UNC5C: variants seen among roughly 807,000 people sequenced by gnomAD.
UNC5C encodes unc-5 netrin receptor C.
UNC5C carries 47 observed loss-of-function variants against 99.8 expected under a neutral mutation model. That is an observed-to-expected ratio of 0.47 (90% CI 0.37 to 0.60). The LOEUF is 0.60. Ranked by LOEUF, UNC5C falls within the 20% of genes least tolerant of loss-of-function variation. The pLI, the probability that UNC5C is intolerant of heterozygous loss-of-function variation, is 0.00. For synonymous variants in UNC5C, 487 were observed against 452.2 expected (o/e 1.08, Z -0.98); for missense variants, 1,062 against 1,165.9 (o/e 0.91, Z 1.30).
rs879590978 is a variant in UNC5C at position 95,529,726 on chromosome 4, C to CA, written c.124+19007dup. Among the ~76,000 whole-genome samples the CA allele has an allele frequency of 3.1e-3, 454 of 144,872 alleles. 5 individuals are homozygous for CA. In the East Asian group the frequency reaches 0.046, roughly 15 times the overall value. On this transcript the variant is annotated intron_variant, in intron 1 of 15. Transcript: ENST00000453304. ...TGAGTAACAGAGCGAGACCCTGTCT[C>CA]AAAAAAAAAATGGTAATAATAAATT...
At chr4:95,487,403 A>T (rs1391152171) in intron 1 of UNC5C, among the ~76,000 whole-genome samples, 1 of 151,694 alleles carries the variant, frequency 6.6e-6, no homozygotes, top group African/African-American at 2.4e-5. Context: ...AAATATGCTC[A>T]TAAATTTCTA....
At chr4:95,235,639 C>CA (rs1739081678) in intron 7 of UNC5C, among the ~76,000 whole-genome samples, 1 of 152,152 alleles carries the variant, frequency 6.6e-6, no homozygotes, top group South Asian at 2.1e-4. Context: ...AGTCTTTAAT[C>CA]CATCTTGAAT....
At chr4:95,296,827 A>C (rs1741684029) in intron 3 of UNC5C, among the ~76,000 whole-genome samples, 1 of 152,192 alleles carries the variant, frequency 6.6e-6, no homozygotes. Flanking sequence ...GTTCTTTTTA[A>C]ACATGATTAA....
chr4:95,367,187 CTTTTTT>C (rs34534787), intron 1 of UNC5C, among the ~76,000 whole-genome samples: 2 of 139,028 alleles, frequency 1.4e-5, no homozygotes, highest in African/African-American at 2.7e-5. Context: ...TTCTCCCATT[CTTTTTT>C]TTTTTTTTTT....
chr4:95,411,076 A>G (rs1037658325), intron 1 of UNC5C, among the ~76,000 whole-genome samples: 7 of 152,208 alleles, frequency 4.6e-5, no homozygotes, highest in Non-Finnish European at 7.3e-5. Flanking sequence ...ATGATCCAAA[A>G]GAAATTATTT....
intron 1 of UNC5C, among the ~76,000 whole-genome samples, chr4:95,385,852 T>C (rs6856205): frequency 0.35 from 53,264 of 152,068 alleles, 9,681 homozygotes; most frequent in Middle Eastern, 0.45. Flanking sequence ...TTCTCTTTGG[T>C]GATATTTTAG....
chr4:95,238,219 A>T (rs1378109233), intron 7 of UNC5C, among the ~76,000 whole-genome samples: 1 of 152,176 alleles, frequency 6.6e-6, no homozygotes, highest in Non-Finnish European at 1.5e-5. Flanking sequence ...ATTCATTTAC[A>T]TTATGATCCC....
At chr4:95,492,630 C>T (rs1456121651) in intron 1 of UNC5C, among the ~76,000 whole-genome samples, 1 of 151,300 alleles carries the variant, frequency 6.6e-6, no homozygotes, top group African/African-American at 2.4e-5. Flanking sequence ...TAATTCCACA[C>T]AAAAATTCAC....
At chr4:95,484,123 A>T (rs984727152) in intron 1 of UNC5C, among the ~76,000 whole-genome samples, 1 of 151,832 alleles carries the variant, frequency 6.6e-6, no homozygotes, top group Non-Finnish European at 1.5e-5. Context: ...TAAAATGGGT[A>T]ATGAGGAAGG....
chr4:95,423,260 T>C (rs1746371029), intron 1 of UNC5C, among the ~76,000 whole-genome samples: 2 of 152,174 alleles, frequency 1.3e-5, no homozygotes, highest in African/African-American at 2.4e-5. Context: ...TTTGGACCTC[T>C]GTGGCATTAA....
chr4:95,331,338 A>AAACATAC (rs1743103137), intron 2 of UNC5C, among the ~76,000 whole-genome samples: 1 of 152,116 alleles, frequency 6.6e-6, no homozygotes, highest in African/African-American at 2.4e-5. Context: ...GATGCCAAGT[A>AAACATAC]GTGGTATTGC....
At chr4:95,330,909 T>C (rs1387115543) in intron 2 of UNC5C, among the ~76,000 whole-genome samples, 1 of 152,164 alleles carries the variant, frequency 6.6e-6, no homozygotes, top group African/African-American at 2.4e-5. Context: ...GGGGTATCCA[T>C]CACCTGAATA....
intron 1 of UNC5C, among the ~76,000 whole-genome samples, chr4:95,398,880 T>C (rs1255884105): frequency 1.3e-5 from 2 of 152,194 alleles, no homozygotes; most frequent in Non-Finnish European, 2.9e-5. Context: ...AGCTTTTGGA[T>C]ATAAATGCTG....
intron 14 of UNC5C, among the ~76,000 whole-genome samples, chr4:95,178,586 CCTT>C (rs1736468069): frequency 2.0e-5 from 3 of 152,194 alleles, no homozygotes; most frequent in Admixed American, 2.0e-4. Context: ...AAATATTTGT[CCTT>C]AGTACAGAAA....
At chr4:95,219,701 T>A (rs1463717162) in intron 8 of UNC5C, among the ~76,000 whole-genome samples, 2 of 152,070 alleles carry the variant, frequency 1.3e-5, no homozygotes, top group Admixed American at 6.6e-5. Context: ...TCAAAGGAAG[T>A]TAAAAAAAGA....
chr4:95,280,272 G>A lies in UNC5C; in HGVS notation c.491-1910C>T, dbSNP rs971486184. On this transcript the variant is annotated intron_variant, in intron 3 of 15. Coordinates refer to ENST00000453304, the MANE Select transcript of UNC5C (RefSeq NM_003728.4). ...GAAGAAAACCCTCAAGATTATAAAGGTTGTGAGAAAATCATAGATCTATGA... is the reference window on the plus strand; with the variant it reads ...GAAGAAAACCCTCAAGATTATAAAGATTGTGAGAAAATCATAGATCTATGA... 3.3e-5 allele frequency among the ~76,000 whole-genome samples: 5 copies of A among 152,158 alleles called. No homozygotes were observed. The South Asian group carries it at 1.0e-3, about 32-fold the overall frequency.
chr4:95,523,076 C>T (rs1722401779), intron 1 of UNC5C, among the ~76,000 whole-genome samples: 1 of 152,116 alleles, frequency 6.6e-6, no homozygotes, highest in African/African-American at 2.4e-5. Context: ...GGGACACCCA[C>T]AGGAAAGGGG....
chr4:95,539,742 G>A (rs189096331), intron 1 of UNC5C, among the ~76,000 whole-genome samples: 128 of 151,904 alleles, frequency 8.4e-4, no homozygotes, highest in African/African-American at 2.8e-3. Flanking sequence ...TCTTCATTTC[G>A]TTAAGAATCG....
At chr4:95,445,578 G>A (rs1253921212) in intron 1 of UNC5C, among the ~76,000 whole-genome samples, 1 of 152,096 alleles carries the variant, frequency 6.6e-6, no homozygotes, top group Non-Finnish European at 1.5e-5. Flanking sequence ...AGCGAATCAA[G>A]CAACAAATCG....
Sources: gnomAD v4.1 joint callset for allele counts (sites outside exome capture counted in the v4.1 genomes callset) on GRCh38, gnomAD v4.1.1 for gene constraint, MANE v1.5 for transcripts, NCBI Gene and HGNC (gene_info 2026-07-23, HGNC 2026-07-21) for gene names.